Variants in FARS2 observed in about 807,000 individuals in gnomAD.
FARS2 encodes phenylalanine--tRNA ligase, mitochondrial.
Under a neutral mutation model 46.4 loss-of-function variants are expected in FARS2, and 40 were observed. That is an observed-to-expected ratio of 0.86 (90% CI 0.67 to 1.12). The LOEUF (loss-of-function observed/expected upper bound fraction) is 1.12. Among genes scored for constraint, FARS2 ranks in the 50% most tolerant of loss-of-function variants. The pLI is 0.00. For missense variants in FARS2, 513 were observed against 567.9 expected, an observed-to-expected ratio of 0.90 and a Z score of 0.98; for synonymous variants, 234 against 214.9, an observed-to-expected ratio of 1.09 and a Z score of -0.78.
chr6:5,309,050 G>C (rs1561947749), intron 1 of FARS2, among the ~76,000 whole-genome samples: 1 of 152,132 alleles, frequency 6.6e-6, no homozygotes, highest in South Asian at 2.1e-4. Flanking sequence ...TCACCTTGGA[G>C]GTTAGAATTT....
intron 6 of FARS2, among the ~76,000 whole-genome samples, chr6:5,759,798 G>T (rs903229258): frequency 1.3e-5 from 2 of 152,162 alleles, no homozygotes; most frequent in African/African-American, 4.8e-5. Context: ...GTCAGAGCAT[G>T]GAATGGGCTG....
intron 4 of FARS2, among the ~76,000 whole-genome samples, chr6:5,456,213 C>CA (rs200504948): frequency 0.035 from 3,389 of 96,572 alleles, 48 homozygotes; most frequent in African/African-American, 0.049. Flanking sequence ...GACCCTGTCT[C>CA]AAAAAAAAAC....
At chr6:5,487,980 T>G (rs1017818136) in intron 4 of FARS2, among the ~76,000 whole-genome samples, 5 of 152,220 alleles carry the variant, frequency 3.3e-5, no homozygotes, top group African/African-American at 1.2e-4. Context: ...CTCTGGGGCT[T>G]ATTCTGGAGA....
intron 1 of FARS2, among the ~76,000 whole-genome samples, chr6:5,363,293 A>G (rs1191369253): frequency 6.6e-6 from 1 of 151,846 alleles, no homozygotes; most frequent in Non-Finnish European, 1.5e-5. Flanking sequence ...TGTATTTTGG[A>G]CATTAGCTTT....
intron 4 of FARS2, among the ~76,000 whole-genome samples, chr6:5,534,859 GCA>G (rs750304235): frequency 1.1e-4 from 16 of 149,900 alleles, no homozygotes; most frequent in Non-Finnish European, 1.5e-4. Flanking sequence ...ACTTGCACGC[GCA>G]CACACACACA....
chr6:5,630,355 G>A lies in FARS2; in HGVS notation c.1217+17035G>A, dbSNP rs1486025634. The stretch of plus-strand genomic sequence containing the variant: ...GACCACATGGATTTGACAATGAGTA[G>A]TCTTCTAGTAGTCAGTTCAATGGTA... On this transcript the variant is annotated intron_variant, in intron 6 of 6. Coordinates refer to ENST00000274680, the MANE Select transcript of FARS2 (RefSeq NM_006567.5). The surrounding 1 kb of genome is among the most constrained non-coding windows in gnomAD (Gnocchi z 4.2). Among the ~76,000 whole-genome samples, 1 of 152,192 alleles carries A rather than the reference G, an allele frequency of 6.6e-6. No homozygotes were observed. Among genetic ancestry groups the A allele is most frequent in the African/African-American group, 2.4e-5 (1 of 41,452 alleles).
At chr6:5,271,637 A>G (rs919075429) in intron 1 of FARS2, among the ~76,000 whole-genome samples, 1 of 132,238 alleles carries the variant, frequency 7.6e-6, no homozygotes, top group South Asian at 2.2e-4. Context: ...ATCTTGGCTC[A>G]CTGCAACCTC....
chr6:5,512,857 A>G lies in FARS2; in HGVS notation c.905-32323A>G, dbSNP rs114153141. Among the ~76,000 whole-genome samples, 159 of 152,310 alleles carry G rather than the reference A, an allele frequency of 1.0e-3. 1 individual carries two copies. Among genetic ancestry groups the G allele is most frequent in the African/African-American group, 3.6e-3 (150 of 41,570 alleles). On this transcript the variant is annotated intron_variant, in intron 4 of 6. Coordinates refer to ENST00000274680, the MANE Select transcript of FARS2 (RefSeq NM_006567.5). ...GGAGAACATAGGTTGGGGACTGCAA[A>G]TAGTTCATTATGGCAGAAGCACAGG...
At chr6:5,372,429 G>A (rs1759120119) in intron 2 of FARS2, among the ~76,000 whole-genome samples, 1 of 151,994 alleles carries the variant, frequency 6.6e-6, no homozygotes, top group Non-Finnish European at 1.5e-5. Flanking sequence ...TGTCAGAAGT[G>A]TATAGTCATA....
chr6:5,700,655 CA>C (rs1374543451), intron 6 of FARS2, among the ~76,000 whole-genome samples: 1 of 152,180 alleles, frequency 6.6e-6, no homozygotes, highest in African/African-American at 2.4e-5. Flanking sequence ...CTCGGCCTCC[CA>C]AAGTGCTGGG....
intron 3 of FARS2, 76 bp downstream of exon 3, chr6:5,404,777 T>C (rs906701150): frequency 1.1e-5 from 11 of 1,033,272 alleles, no homozygotes; most frequent in East Asian, 2.8e-5. Context: ...TTGGGTTTTT[T>C]TTTTTTTTTT....
intron 4 of FARS2, among the ~76,000 whole-genome samples, chr6:5,542,654 A>C (rs1047551855): frequency 2.3e-4 from 35 of 152,242 alleles, no homozygotes; most frequent in African/African-American, 8.0e-4. Context: ...CTGGTGGTTA[A>C]GATGGCCCCC....
chr6:5,751,989 GATGCGTC>G (rs1761974370), intron 6 of FARS2, among the ~76,000 whole-genome samples: 1 of 152,140 alleles, frequency 6.6e-6, no homozygotes, highest in Non-Finnish European at 1.5e-5. Flanking sequence ...GGTGTCCTGG[GATGCGTC>G]ATGTGCCCGG....
At position 5,518,156 on chromosome 6, in the gene FARS2, G is replaced by A. The variant is rs116623652; in HGVS notation, c.905-27024G>A. ...GCAGAGGCTGGGGTACTGGTTGGAA[G>A]GCTGTTGTTGCTGCATCCAGGGAGA... is the stretch of plus-strand genomic sequence containing the variant. On this transcript the variant is annotated intron_variant, in intron 4 of 6. Coordinates refer to ENST00000274680, the MANE Select transcript of FARS2 (RefSeq NM_006567.5). Among the ~76,000 whole-genome samples, 540 of 152,330 alleles carry A rather than the reference G, an allele frequency of 3.5e-3. 2 individuals carry two copies. The highest frequency in any genetic ancestry group is 0.012 in the African/African-American group (515 of 41,570).
chr6:5,478,775 T>C (rs1212902738), intron 4 of FARS2, among the ~76,000 whole-genome samples: 1 of 152,092 alleles, frequency 6.6e-6, no homozygotes, highest in Non-Finnish European at 1.5e-5. Flanking sequence ...TGAGCTGCCA[T>C]GAGTGGCCAG....
At chr6:5,357,119 G>C (rs1481090441) in intron 1 of FARS2, among the ~76,000 whole-genome samples, 1 of 152,168 alleles carries the variant, frequency 6.6e-6, no homozygotes, top group African/African-American at 2.4e-5. Flanking sequence ...ATAAAAAGTT[G>C]TTTGATGTCC....
At chr6:5,292,761 T>C (rs1344262929) in intron 1 of FARS2, among the ~76,000 whole-genome samples, 1 of 152,178 alleles carries the variant, frequency 6.6e-6, no homozygotes, top group Non-Finnish European at 1.5e-5. Flanking sequence ...CCTTGGTGTA[T>C]AATTGGCAAT....
At chr6:5,739,346 T>A (rs1761168439) in intron 6 of FARS2, among the ~76,000 whole-genome samples, 1 of 128,704 alleles carries the variant, frequency 7.8e-6, no homozygotes. Flanking sequence ...AAAAAAAAAA[T>A]TGTAATTAAA....
chr6:5,432,300 G>C (rs1343020382), intron 4 of FARS2, among the ~76,000 whole-genome samples: 3 of 117,420 alleles, frequency 2.6e-5, no homozygotes, highest in Admixed American at 1.0e-4. Flanking sequence ...GGGCGAAAGA[G>C]CAACACTCAG....
Sources: allele counts gnomAD v4.1 joint callset (sites outside exome capture counted in the v4.1 genomes callset), GRCh38; gene constraint gnomAD v4.1.1; non-coding constraint Gnocchi (gnomAD v3.1); transcripts MANE v1.5; gene names NCBI Gene and HGNC (gene_info 2026-07-23, HGNC 2026-07-21).